The following GALNT18 variants were observed in gnomAD, a reference collection of about 807,000 sequenced individuals.
GALNT18 encodes the protein GalNAc-transferase 18.
A neutral mutation model predicts 69.5 loss-of-function variants in GALNT18; 44 were observed. The observed-to-expected ratio is 0.63, with a 90% CI of 0.50 to 0.81. GALNT18 has a LOEUF of 0.81. GALNT18 is among the 40% of genes least tolerant of loss of function. The probability of loss-of-function intolerance (pLI) is 0.00; values close to 1 mark genes in which losing one functional copy is unlikely to be tolerated. For missense variants in GALNT18, 715 were observed against 810.0 expected, an observed-to-expected ratio of 0.88 and a Z score of 1.42; for synonymous variants, 364 against 318.2, an observed-to-expected ratio of 1.14 and a Z score of -1.53.
Position 11,459,153 on chromosome 11 carries a change from G to A in GALNT18, c.236-10217C>T, listed in dbSNP as rs1358180883. 6.6e-6 allele frequency among the ~76,000 whole-genome samples: 1 copy of A among 152,124 alleles called. No homozygotes were observed. The highest frequency in any genetic ancestry group is 1.5e-5 in the Non-Finnish European group (1 of 68,022). On this transcript the variant is annotated intron_variant, in intron 1 of 10. Transcript: ENST00000227756. The surrounding 1 kb of genome is among the most constrained non-coding windows in gnomAD (Gnocchi z 5.0). ...AGTGCCCTAATAATGGTAAGTAAAT[G>A]CACTATTCTGTTGATGGAGGGCTTC...
At chr11:11,289,743 G>T (rs1849264364) in intron 10 of GALNT18, among the ~76,000 whole-genome samples, 1 of 152,198 alleles carries the variant, frequency 6.6e-6, no homozygotes, top group Non-Finnish European at 1.5e-5. Context: ...TGGAAAGAGG[G>T]TAGAAGTGTC....
chr11:11,377,413 C>A lies in GALNT18; in HGVS notation c.780-34G>T, dbSNP rs569840306. The A allele has an allele frequency of 5.6e-6, 9 of 1,603,288 alleles. No individual in the cohort carries two copies. The highest frequency in any genetic ancestry group is 2.7e-5 in the African/African-American group (2 of 74,816). ...AGAGGAGACAGCCAGAGAGGGTAAC[C>A]ATTTCCAAGGTGGAAAAATCCAGAG... On this transcript the variant is annotated intron_variant, in intron 4 of 10. Coordinates refer to ENST00000227756, the MANE Select transcript of GALNT18 (RefSeq NM_198516.3). This position sits in a 1 kb window ranked among gnomAD's most constrained non-coding sequence, Gnocchi z 4.6.
Position 11,523,612 on chromosome 11 carries a change from G to A in GALNT18, c.236-74676C>T, listed in dbSNP as rs780756912. Among the ~76,000 whole-genome samples, 4 of 151,894 alleles carry A rather than the reference G, an allele frequency of 2.6e-5. No individual in the cohort carries two copies. Among genetic ancestry groups the A allele is most frequent in the Admixed American group, 6.6e-5 (1 of 15,254 alleles). ...TGGGCTCCTGTAGTCCCAGCTACTC[G>A]GGAGGCTGAGGCAGGAGAATGGTGA... On this transcript the variant is annotated intron_variant, in intron 1 of 10. Transcript: ENST00000227756. This position sits in a 1 kb window ranked among gnomAD's most constrained non-coding sequence, Gnocchi z 4.3.
At chr11:11,361,688 G>A (rs1268433629) in intron 6 of GALNT18, among the ~76,000 whole-genome samples, 1 of 152,128 alleles carries the variant, frequency 6.6e-6, no homozygotes, top group Non-Finnish European at 1.5e-5. Context: ...GAGGCATACA[G>A]AATATATTTT....
At chr11:11,401,122 G>GCTAGA (rs1207599376) in intron 3 of GALNT18, among the ~76,000 whole-genome samples, 3 of 152,018 alleles carry the variant, frequency 2.0e-5, no homozygotes, top group Non-Finnish European at 2.9e-5. Flanking sequence ...TCTCTCAAAG[G>GCTAGA]GTCTCCATCT....
chr11:11,453,653 G>C (rs1190369839), intron 1 of GALNT18, among the ~76,000 whole-genome samples: 2 of 152,182 alleles, frequency 1.3e-5, no homozygotes, highest in Non-Finnish European at 2.9e-5. Context: ...ATGGGGGCAA[G>C]TCTTTCCCAT....
Position 11,415,833 on chromosome 11 carries a change from G to A in GALNT18, c.595+16788C>T, listed in dbSNP as rs1182930097. 6.6e-6 allele frequency among the ~76,000 whole-genome samples: 1 copy of A among 152,196 alleles called. No homozygotes were observed. Among genetic ancestry groups the A allele is most frequent in the Non-Finnish European group, 1.5e-5 (1 of 68,038 alleles). ...GTAGAATTCAGGAATTCAGCAAGCA[G>A]CAACGCTCTCCACTGTTGGACTCAC... On this transcript the variant is annotated intron_variant, in intron 3 of 10. Coordinates refer to ENST00000227756, the MANE Select transcript of GALNT18 (RefSeq NM_198516.3). This position sits in a 1 kb window ranked among gnomAD's most constrained non-coding sequence, Gnocchi z 4.1.
intron 1 of GALNT18, among the ~76,000 whole-genome samples, chr11:11,588,575 C>G (rs909493944): frequency 1.3e-5 from 2 of 152,166 alleles, no homozygotes; most frequent in African/African-American, 4.8e-5. Flanking sequence ...GCTAACCAAC[C>G]TCATCCTCTT....
intron 6 of GALNT18, among the ~76,000 whole-genome samples, chr11:11,343,488 A>T (rs1850247830): frequency 6.6e-6 from 1 of 152,220 alleles, no homozygotes; most frequent in South Asian, 2.1e-4. Flanking sequence ...CCCCACGATG[A>T]TCAAGCTTTG....
At chr11:11,388,277 C>A (rs760559844) in intron 3 of GALNT18, among the ~76,000 whole-genome samples, 2 of 152,092 alleles carry the variant, frequency 1.3e-5, no homozygotes, top group African/African-American at 4.8e-5. Context: ...GCGGGGTCGC[C>A]AAAGCCAGGC....
At position 11,287,773 on chromosome 11, in the gene GALNT18, G is replaced by A. The variant is rs192591834; in HGVS notation, c.1677+5256C>T. On this transcript the variant is annotated intron_variant, in intron 10 of 10. Transcript: ENST00000227756. Reference sequence around the variant, plus strand: ...ATGAAGTTTTGTCATGTGCTGATGCGGGAGACATCAGCTGTTTAGGGAGGG... The same window carrying A: ...ATGAAGTTTTGTCATGTGCTGATGCAGGAGACATCAGCTGTTTAGGGAGGG... 7.2e-5 allele frequency among the ~76,000 whole-genome samples: 11 copies of A among 152,232 alleles called. No homozygotes were observed. The East Asian group carries it at 2.1e-3, about 29-fold the overall frequency.
chr11:11,323,111 C>T (rs959906365), intron 9 of GALNT18, among the ~76,000 whole-genome samples: 2 of 152,172 alleles, frequency 1.3e-5, no homozygotes, highest in African/African-American at 2.4e-5. Context: ...TAACATTCTG[C>T]CCCTGGCTTC....
rs1169302250 is a variant in GALNT18 at position 11,341,004 on chromosome 11, C to A, written c.1093G>T (p.Val365Leu). ...GGENVELGIR[V>L]WQCGGSVEVL... is the part of the protein sequence containing the mutation. ...TCCACACTCCCGCCACACTGCCACA[C>A]CTGCAGAAGACATGGAGCCACTTGT... Residue 365 changes from valine (V) to leucine (L), a missense_variant and splice_region_variant, in exon 7 of 11, where the codon GTG becomes TTG. By Grantham distance (32) the Val-to-Leu change is conservative. Transcript: ENST00000227756. This position sits in a 1 kb window ranked among gnomAD's most constrained non-coding sequence, Gnocchi z 6.3. 6.3e-7 allele frequency: 1 copy of A among 1,593,596 alleles called. No individual in the cohort carries two copies. Among genetic ancestry groups the A allele is most frequent in the Admixed American group, 1.7e-5 (1 of 57,982 alleles).
At chr11:11,431,857 T>C (rs1855271338) in intron 3 of GALNT18, among the ~76,000 whole-genome samples, 1 of 152,210 alleles carries the variant, frequency 6.6e-6, no homozygotes, top group Non-Finnish European at 1.5e-5. Context: ...AATACATTCA[T>C]ATAAATGGTC....
rs1048788404 is a variant in GALNT18, at chr11:11,465,983, C to A, written c.236-17047G>T. ...CAGGGCCCAAAGGAACCACAGGAGG[C>A]ATCCATCCAGACCAGTGCTTCTCAG... is the stretch of plus-strand genomic sequence containing the variant. On this transcript the variant is annotated intron_variant, in intron 1 of 10. Coordinates refer to ENST00000227756, the MANE Select transcript of GALNT18 (RefSeq NM_198516.3). This position sits in a 1 kb window ranked among gnomAD's most constrained non-coding sequence, Gnocchi z 5.7. 5.9e-5 allele frequency among the ~76,000 whole-genome samples: 9 copies of A among 152,176 alleles called. No individual in the cohort carries two copies. Among genetic ancestry groups the A allele is most frequent in the African/African-American group, 2.2e-4 (9 of 41,428 alleles).
At position 11,387,855 on chromosome 11, in the gene GALNT18, G is replaced by A. The variant is rs1854092169; in HGVS notation, c.596-8591C>T. On this transcript the variant is annotated intron_variant, in intron 3 of 10. Transcript: ENST00000227756. This position sits in a 1 kb window ranked among gnomAD's most constrained non-coding sequence, Gnocchi z 4.6. ...GCAGCTGGGATCCCGGAGAGCTCCG[G>A]GCAGCATTGCTGCGTGTATTCCTCT... Among the ~76,000 whole-genome samples the A allele has an allele frequency of 6.6e-6, 1 of 152,188 alleles. No homozygotes were observed. Among genetic ancestry groups the A allele is most frequent in the South Asian group, 2.1e-4 (1 of 4,832 alleles).
intron 10 of GALNT18, among the ~76,000 whole-genome samples, chr11:11,277,418 G>T (rs1237323176): frequency 6.6e-6 from 1 of 151,834 alleles, no homozygotes; most frequent in Non-Finnish European, 1.5e-5. Flanking sequence ...AGTCTGGCTA[G>T]TGGTCTATTT....
chr11:11,276,005 G>A (rs2132977589), intron 10 of GALNT18, among the ~76,000 whole-genome samples: 1 of 152,252 alleles, frequency 6.6e-6, no homozygotes, highest in Non-Finnish European at 1.5e-5. Flanking sequence ...AGATTGTCTT[G>A]GCTATGCAGG....
Position 11,600,553 on chromosome 11 carries a change from C to G in GALNT18, c.235+20806G>C, listed in dbSNP as rs1859607533. On this transcript the variant is annotated intron_variant, in intron 1 of 10. Coordinates refer to ENST00000227756, the MANE Select transcript of GALNT18 (RefSeq NM_198516.3). This position sits in a 1 kb window ranked among gnomAD's most constrained non-coding sequence, Gnocchi z 4.8. ...CTCTTGTAGGTGATAAGTGGTCTTT[C>G]TGTTACTGCTTCCAAGATTTTCTCT... 6.6e-6 allele frequency among the ~76,000 whole-genome samples: 1 copy of G among 152,006 alleles called. No homozygotes were observed. The highest frequency in any genetic ancestry group is 2.4e-5 in the African/African-American group (1 of 41,422).
Sources: allele counts gnomAD v4.1 joint callset (sites outside exome capture counted in the v4.1 genomes callset), GRCh38; gene constraint gnomAD v4.1.1; non-coding constraint Gnocchi (gnomAD v3.1); transcripts MANE v1.5; gene names NCBI Gene and HGNC (gene_info 2026-07-23, HGNC 2026-07-21).